Variants in GFOD1 observed in about 807,000 individuals in gnomAD.
GFOD1 encodes Gfo/Idh/MocA-like oxidoreductase domain containing 1, also known as glucose-fructose oxidoreductase domain-containing protein 1.
Under a neutral mutation model 25.4 loss-of-function variants are expected in GFOD1, and 9 were observed. That is an observed-to-expected ratio of 0.35 (90% CI 0.21 to 0.62). GFOD1 has a LOEUF of 0.62. Among genes scored for constraint, GFOD1 ranks in the 20% least tolerant of loss-of-function variants. The probability of loss-of-function intolerance (pLI) is 0.72; values close to 1 mark genes in which losing one functional copy is unlikely to be tolerated. For synonymous variants in GFOD1, 253 were observed against 245.6 expected (o/e 1.03, Z -0.28); for missense variants, 403 against 556.9 (o/e 0.72, Z 2.78).
At chr6:13,462,761 A>C in intron 1 of GFOD1, among the ~76,000 whole-genome samples, 1 of 152,242 alleles carries the variant, frequency 6.6e-6, no homozygotes, top group East Asian at 1.9e-4. Flanking sequence ...AACCTCCAAC[A>C]GAATTACTGG....
At chr6:13,384,458 A>G (rs1029098238) in intron 1 of GFOD1, among the ~76,000 whole-genome samples, 5 of 152,190 alleles carry the variant, frequency 3.3e-5, no homozygotes, top group African/African-American at 1.2e-4. Context: ...GGACACCTCT[A>G]TTCCAGAATG....
At chr6:13,381,915 GCACACACACACACACA>G (rs112808546) in intron 1 of GFOD1, among the ~76,000 whole-genome samples, 33 of 140,142 alleles carry the variant, frequency 2.4e-4, no homozygotes, top group African/African-American at 6.8e-4. Flanking sequence ...ACGCGCGCGC[GCACACACACACACACA>G]CACACACACA....
At chr6:13,481,190 C>A (rs1159768932) in intron 1 of GFOD1, among the ~76,000 whole-genome samples, 1 of 152,192 alleles carries the variant, frequency 6.6e-6, no homozygotes. Context: ...ATGACAGAAG[C>A]AGGACTGAGG....
At chr6:13,381,273 C>T (rs1785357052) in intron 1 of GFOD1, among the ~76,000 whole-genome samples, 1 of 152,234 alleles carries the variant, frequency 6.6e-6, no homozygotes, top group Non-Finnish European at 1.5e-5. Context: ...GTGTTGGCCC[C>T]AGCAACACTC....
chr6:13,374,133 A>G (rs114457441), intron 1 of GFOD1, among the ~76,000 whole-genome samples: 105 of 152,276 alleles, frequency 6.9e-4, no homozygotes, highest in African/African-American at 2.4e-3. Context: ...CATCTTACAG[A>G]TGTGGAAACT....
At chr6:13,473,129 A>G (rs1028548355) in intron 1 of GFOD1, among the ~76,000 whole-genome samples, 10 of 152,210 alleles carry the variant, frequency 6.6e-5, no homozygotes, top group Admixed American at 6.5e-4. Context: ...TCCACATGTC[A>G]TATGCAAATG....
chr6:13,442,210 G>C (rs1470417942), intron 1 of GFOD1, among the ~76,000 whole-genome samples: 1 of 152,200 alleles, frequency 6.6e-6, no homozygotes, highest in Non-Finnish European at 1.5e-5. Flanking sequence ...TAATTAGCTT[G>C]ACTTAGCCAT....
chr6:13,472,782 T>C (rs1758537360), intron 1 of GFOD1, among the ~76,000 whole-genome samples: 1 of 152,228 alleles, frequency 6.6e-6, no homozygotes, highest in Admixed American at 6.5e-5. Context: ...CCTTTTGAAA[T>C]AGAAAAAATG....
At chr6:13,460,248 A>T (rs1758268962) in intron 1 of GFOD1, among the ~76,000 whole-genome samples, 1 of 152,248 alleles carries the variant, frequency 6.6e-6, no homozygotes, top group African/African-American at 2.4e-5. Context: ...TGTGGAAGAC[A>T]CTGTGGTGAT....
At chr6:13,441,555 A>C (rs1392147957) in intron 1 of GFOD1, among the ~76,000 whole-genome samples, 5 of 152,240 alleles carry the variant, frequency 3.3e-5, no homozygotes, top group African/African-American at 1.2e-4. Context: ...TGCAAAAATA[A>C]ATGTTACGAA....
At chr6:13,390,812 G>GAAGGAAGA (rs1785587224) in intron 1 of GFOD1, among the ~76,000 whole-genome samples, 1 of 147,484 alleles carries the variant, frequency 6.8e-6, no homozygotes, top group African/African-American at 2.4e-5. Context: ...AGGAAGGAAG[G>GAAGGAAGA]AAGGAAGGAA....
intron 1 of GFOD1, among the ~76,000 whole-genome samples, chr6:13,443,032 G>A (rs956309442): frequency 6.6e-6 from 1 of 152,218 alleles, no homozygotes; most frequent in Non-Finnish European, 1.5e-5. Context: ...GAACATTAGT[G>A]ATTCAAGGGA....
At chr6:13,397,688 G>C (rs1449563803) in intron 1 of GFOD1, among the ~76,000 whole-genome samples, 1 of 152,236 alleles carries the variant, frequency 6.6e-6, no homozygotes, top group Non-Finnish European at 1.5e-5. Flanking sequence ...ATTTGGCCAA[G>C]TACCAATTCA....
intron 1 of GFOD1, among the ~76,000 whole-genome samples, chr6:13,393,757 T>C (rs1785664734): frequency 6.6e-6 from 1 of 151,362 alleles, no homozygotes; most frequent in Non-Finnish European, 1.5e-5. Flanking sequence ...ATTATTTTCC[T>C]TGGCCAATTT....
intron 1 of GFOD1, among the ~76,000 whole-genome samples, chr6:13,448,451 A>G (rs561742195): frequency 6.6e-6 from 1 of 152,282 alleles, no homozygotes; most frequent in South Asian, 2.1e-4. Context: ...GCACAAAGGA[A>G]GTGCTTGACA....
chr6:13,373,805 C>T (rs1785197313), intron 1 of GFOD1, among the ~76,000 whole-genome samples: 1 of 136,104 alleles, frequency 7.3e-6, no homozygotes, highest in Admixed American at 7.4e-5. Context: ...AAGTTAGAAA[C>T]TGCAAAAGAA....
intron 1 of GFOD1, among the ~76,000 whole-genome samples, chr6:13,417,763 G>A (rs538766444): frequency 6.6e-5 from 10 of 152,172 alleles, no homozygotes; most frequent in African/African-American, 9.7e-5. Flanking sequence ...CCCGGAATAT[G>A]GATTCTTTCA....
At chr6:13,462,633 C>T (rs1280056448) in intron 1 of GFOD1, among the ~76,000 whole-genome samples, 1 of 152,182 alleles carries the variant, frequency 6.6e-6, no homozygotes, top group Non-Finnish European at 1.5e-5. Flanking sequence ...AGGAGGAAAT[C>T]ACCCCTCCCC....
intron 1 of GFOD1, among the ~76,000 whole-genome samples, chr6:13,380,945 A>T (rs1342206436): frequency 6.6e-6 from 1 of 152,242 alleles, no homozygotes; most frequent in Non-Finnish European, 1.5e-5. Flanking sequence ...CCTGCAGCCC[A>T]GAAGCCAGCA....
Sources: gnomAD v4.1 joint callset for allele counts (sites outside exome capture counted in the v4.1 genomes callset) on GRCh38, gnomAD v4.1.1 for gene constraint, MANE v1.5 for transcripts, NCBI Gene and HGNC (gene_info 2026-07-23, HGNC 2026-07-21) for gene names.